The following RNGTT variants were observed in gnomAD, a reference collection of about 807,000 sequenced individuals.
The protein encoded by RNGTT is mRNA-capping enzyme.
Under a neutral mutation model 79.3 loss-of-function variants are expected in RNGTT, and 33 were observed. The observed-to-expected ratio is 0.42, with a 90% CI of 0.32 to 0.56. The LOEUF (loss-of-function observed/expected upper bound fraction) is 0.56, where lower values mean the gene tolerates loss of function less well. RNGTT is among the 20% of genes least tolerant of loss of function. The pLI is 0.17. For missense variants in RNGTT, 497 were observed against 739.1 expected, an observed-to-expected ratio of 0.67 and a Z score of 3.80; for synonymous variants, 222 against 235.9, an observed-to-expected ratio of 0.94 and a Z score of 0.54.
chr6:88,906,288 AC>A, intron 5 of RNGTT, 76 bp downstream of exon 5: 2 of 898,624 alleles, frequency 2.2e-6, no homozygotes, highest in Non-Finnish European at 3.4e-6. Context: ...ACTTGACAAT[AC>A]AAAATTCTGC....
chr6:88,741,427 G>C (rs1056426420), intron 13 of RNGTT, among the ~76,000 whole-genome samples: 9 of 151,986 alleles, frequency 5.9e-5, no homozygotes, highest in African/African-American at 1.9e-4. Flanking sequence ...ATAGACAATG[G>C]GGGACTCAAG....
chr6:88,936,091 T>C (rs1784656497), intron 2 of RNGTT, among the ~76,000 whole-genome samples: 1 of 152,164 alleles, frequency 6.6e-6, no homozygotes, highest in South Asian at 2.1e-4. Context: ...GGATAACTTT[T>C]ACATTTTTAA....
At chr6:88,845,877 A>G (rs1188383747) in intron 10 of RNGTT, among the ~76,000 whole-genome samples, 1 of 152,214 alleles carries the variant, frequency 6.6e-6, no homozygotes, top group African/African-American at 2.4e-5. Flanking sequence ...CATCTCTTCT[A>G]TGCAATCAAC....
intron 13 of RNGTT, among the ~76,000 whole-genome samples, chr6:88,678,698 T>C (rs1774978104): frequency 6.6e-6 from 1 of 152,120 alleles, no homozygotes; most frequent in Admixed American, 6.6e-5. Context: ...GCAGGAGGAT[T>C]GCTTGACTCC....
In RNGTT at chr6:88,758,908, T is replaced by C. The variant is rs570757830; in HGVS notation, c.1439+10866A>G. 2.0e-5 allele frequency among the ~76,000 whole-genome samples: 3 copies of C among 152,348 alleles called. No homozygotes were observed. The South Asian group carries it at 6.2e-4, about 32-fold the overall frequency. ...TATTTTTTTATTATACTTTAAGTTC[T>C]GGGGTACATGTGCACAATGTGCAGG... On this transcript the variant is annotated intron_variant, in intron 13 of 15. Transcript: ENST00000369485.
chr6:88,872,084 C>T (rs1033424376), intron 8 of RNGTT, among the ~76,000 whole-genome samples: 9 of 152,140 alleles, frequency 5.9e-5, no homozygotes, highest in Admixed American at 1.3e-4. Flanking sequence ...TAGGCATAGT[C>T]CCATTAAGTT....
chr6:88,817,647 A>G (rs1303030371), intron 11 of RNGTT, among the ~76,000 whole-genome samples: 1 of 151,762 alleles, frequency 6.6e-6, no homozygotes, highest in African/African-American at 2.4e-5. Context: ...CCTCAAACTA[A>G]TCAGCAACCT....
chr6:88,747,614 T>G (rs1278512962), intron 13 of RNGTT, among the ~76,000 whole-genome samples: 1 of 152,200 alleles, frequency 6.6e-6, no homozygotes, highest in Non-Finnish European at 1.5e-5. Context: ...ATGGTGAGCC[T>G]AAAGTCTATG....
At chr6:88,853,330 C>A (rs567141848) in intron 9 of RNGTT, among the ~76,000 whole-genome samples, 1 of 151,966 alleles carries the variant, frequency 6.6e-6, no homozygotes, top group South Asian at 2.1e-4. Context: ...ACATGTGAAA[C>A]ACCTTCTCTA....
chr6:88,627,798 A>C, intron 14 of RNGTT, among the ~76,000 whole-genome samples: 1 of 152,210 alleles, frequency 6.6e-6, no homozygotes, highest in East Asian at 1.9e-4. Flanking sequence ...TTAGTTTAGC[A>C]AAAAATGTTC....
At chr6:88,765,783 T>C (rs1263733947) in intron 13 of RNGTT, among the ~76,000 whole-genome samples, 1 of 152,208 alleles carries the variant, frequency 6.6e-6, no homozygotes, top group African/African-American at 2.4e-5. Context: ...GTCAAGGTTA[T>C]TTTAAGAGAC....
chr6:88,879,740 AT>A (rs1782636272), intron 8 of RNGTT, among the ~76,000 whole-genome samples: 1 of 152,216 alleles, frequency 6.6e-6, no homozygotes, highest in South Asian at 2.1e-4. Context: ...AAATCTTTAT[AT>A]TAAATATGTT....
chr6:88,956,974 A>C (rs778546769), intron 1 of RNGTT, among the ~76,000 whole-genome samples: 1 of 152,204 alleles, frequency 6.6e-6, no homozygotes, highest in Non-Finnish European at 1.5e-5. Flanking sequence ...CAGAGGTTGC[A>C]ATGAGCTGAG....
chr6:88,698,213 T>C (rs1390104004), intron 13 of RNGTT, among the ~76,000 whole-genome samples: 54 of 100,832 alleles, frequency 5.4e-4, no homozygotes, highest in South Asian at 8.3e-4. Flanking sequence ...ATATATGAAA[T>C]ATATATATCA....
intron 12 of RNGTT, among the ~76,000 whole-genome samples, chr6:88,785,730 T>C (rs930460759): frequency 2.0e-5 from 3 of 152,326 alleles, no homozygotes; most frequent in South Asian, 2.1e-4. Flanking sequence ...AAAACCATTC[T>C]AATTTGTCAT....
At chr6:88,896,924 T>C (rs1185286029) in intron 6 of RNGTT, among the ~76,000 whole-genome samples, 1 of 152,178 alleles carries the variant, frequency 6.6e-6, no homozygotes, top group African/African-American at 2.4e-5. Flanking sequence ...ATGACCCTCA[T>C]CTTTGTCCAA....
At chr6:88,792,458 T>G (rs1210605022) in intron 12 of RNGTT, among the ~76,000 whole-genome samples, 1 of 152,232 alleles carries the variant, frequency 6.6e-6, no homozygotes, top group Non-Finnish European at 1.5e-5. Context: ...GAGAAAAATC[T>G]TAAGTATTCT....
intron 4 of RNGTT, among the ~76,000 whole-genome samples, chr6:88,918,706 G>C (rs1438842174): frequency 6.6e-6 from 1 of 152,068 alleles, no homozygotes; most frequent in Admixed American, 6.6e-5. Flanking sequence ...TGCTTTGTAA[G>C]AAAAAGTGCT....
chr6:88,677,097 A>G (rs1774903790), intron 14 of RNGTT, among the ~76,000 whole-genome samples: 1 of 152,232 alleles, frequency 6.6e-6, no homozygotes, highest in Non-Finnish European at 1.5e-5. Flanking sequence ...ATACTTGGCA[A>G]CAAAAAATAA....
Sources: allele counts gnomAD v4.1 joint callset (sites outside exome capture counted in the v4.1 genomes callset), GRCh38; gene constraint gnomAD v4.1.1; transcripts MANE v1.5; gene names NCBI Gene and HGNC (gene_info 2026-07-23, HGNC 2026-07-21).